SZT2: variants seen among roughly 807,000 people sequenced by gnomAD.
SZT2 encodes KICSTOR complex protein SZT2.
SZT2 carries 216 observed loss-of-function variants against 404.2 expected under a neutral mutation model. The observed-to-expected ratio is 0.53, with a 90% CI of 0.48 to 0.60. The LOEUF is 0.60. SZT2 is among the 20% of genes least tolerant of loss of function. The pLI is 0.00. For missense variants in SZT2, 3,857 were observed against 4,459.2 expected (o/e 0.86, Z 3.85); for synonymous variants, 1,693 against 1,749.9 (o/e 0.97, Z 0.81).
intron 36 of SZT2, 141 bp from the exon 37 acceptor site, chr1:43,432,130 CT>C: frequency 8.9e-7 from 1 of 1,126,524 alleles, no homozygotes; most frequent in Non-Finnish European, 1.3e-6. Flanking sequence ...AGGCAAGTCA[CT>C]GAATCTTTTC....
intron 1 of SZT2, among the ~76,000 whole-genome samples, chr1:43,402,732 G>C: frequency 6.6e-6 from 1 of 152,268 alleles, no homozygotes; most frequent in South Asian, 2.1e-4. Context: ...CTATTCCTTC[G>C]GTGAAAATTT....
rs1652619726 is a variant in SZT2 at position 43,423,121 on chromosome 1, A to G, written c.2060A>G (p.Glu687Gly). ...RHKIVSGLRE[E>G]ILRLRFPHRV... The stretch of plus-strand genomic sequence containing the variant: ...CAGATTGTGTCAGGCTTGAGGGAAG[A>G]GATCCTGCGGCTGCGTTTCCCCCAC... The change falls in exon 15 of 72, where the codon GAG (glutamate) becomes GGG (glycine). Residue 687 changes from glutamate (E) to glycine (G), a missense_variant. Transcript: ENST00000634258. The G allele has an allele frequency of 6.3e-7, 1 of 1,594,582 alleles. No individual in the cohort carries two copies. Among genetic ancestry groups the G allele is most frequent in the Non-Finnish European group, 8.5e-7 (1 of 1,178,186 alleles).
At position 43,450,223 on chromosome 1, in the gene SZT2, A is replaced by G; in HGVS notation, c.10155+52A>G. 1 of 1,613,750 alleles carries G rather than the reference A, an allele frequency of 6.2e-7. No individual in the cohort carries two copies. Among genetic ancestry groups the G allele is most frequent in the Non-Finnish European group, 8.5e-7 (1 of 1,179,764 alleles). On this transcript the variant is annotated intron_variant, in intron 71 of 71. Transcript: ENST00000634258. This position sits in a 1 kb window ranked among gnomAD's most constrained non-coding sequence, Gnocchi z 4.3. The stretch of plus-strand genomic sequence containing the variant: ...CAGCCTCATGGGAGGCCGTACCCCA[A>G]ATGCTCCACCTCGGAGCCTGCTGAG...
At chr1:43,395,165 A>C (rs192342390) in intron 1 of SZT2, among the ~76,000 whole-genome samples, 4 of 152,328 alleles carry the variant, frequency 2.6e-5, no homozygotes, top group East Asian at 1.9e-4. Flanking sequence ...GCTTTCTAAT[A>C]GTCTGTGCCC....
chr1:43,416,065 T>C lies in SZT2; in HGVS notation c.736T>C (p.Leu246=). Residue 246 remains leucine, a synonymous_variant, in exon 6 of 72, where the codon TTG becomes CTG. Coordinates refer to ENST00000634258, the MANE Select transcript of SZT2 (RefSeq NM_001365999.1). ...GLVSMIRQGI[L]ALQLLPSNSS... is the part of the protein sequence containing the mutation. ...GGTCAGTATGATTCGTCAGGGCATC[T>C]TGGCACTGCAGTTACTACCCTCGAA... The C allele has an allele frequency of 6.3e-7, 1 of 1,598,366 alleles. No individual in the cohort carries two copies. The highest frequency in any genetic ancestry group is 8.5e-7 in the Non-Finnish European group (1 of 1,179,784).
In SZT2 at chr1:43,453,755, T is replaced by C. The variant is rs764937328; in HGVS notation, c.*3275T>C. On this transcript the variant is annotated 3_prime_UTR_variant, in exon 72 of 72. Transcript: ENST00000634258. ...CGGGGAGGCCGGAGAGCTCGGGGAA[T>C]AGCCAGGACAGATTGGCGGAGAAGC... 98 of 1,320,626 alleles carry C rather than the reference T, an allele frequency of 7.4e-5. No homozygotes were observed. The highest frequency in any genetic ancestry group is 9.4e-5 in the Non-Finnish European group (98 of 1,041,362). 81.8% of individuals were successfully genotyped at this position (1,320,626 alleles called of 1,614,324 possible). A position where few individuals can be genotyped will look rare whatever the true frequency, so the allele number is the denominator to read the frequency against.
In SZT2 at chr1:43,425,908, A is replaced by G. The variant is rs144176855; in HGVS notation, c.2888A>G (p.Lys963Arg). Residue 963 changes from lysine (K) to arginine (R), a missense_variant, in exon 20 of 72, where the codon AAG becomes AGG. Physicochemically the swap from Lys to Arg is conservative, Grantham distance 26. Transcript: ENST00000634258. The surrounding 1 kb of genome is among the most constrained non-coding windows in gnomAD (Gnocchi z 4.3). ...TACCTGATACAGCTGTGTCAGAGCA[A>G]GGAATGGGGTCCTCTGCCCCCAGAG... ...FEYLIQLCQS[K>R]EWGPLPPEPR... The G allele has an allele frequency of 2.7e-4, 431 of 1,614,048 alleles. No individual in the cohort carries two copies. Among genetic ancestry groups the G allele is most frequent in the Non-Finnish European group, 3.1e-4 (363 of 1,180,030 alleles).
chr1:43,404,659 C>A, intron 4 of SZT2, 109 bp downstream of exon 4: 2 of 1,210,648 alleles, frequency 1.7e-6, no homozygotes, highest in Non-Finnish European at 2.3e-6. Context: ...CCGAGCTCTG[C>A]TGGCTTCTTG....
Position 43,452,073 on chromosome 1 carries a change from A to G in SZT2, c.*1593A>G. 6.4e-7 allele frequency: 1 copy of G among 1,554,782 alleles called. No individual in the cohort carries two copies. The highest frequency in any genetic ancestry group is 1.2e-5 in the South Asian group (1 of 85,346). On this transcript the variant is annotated 3_prime_UTR_variant, in exon 72 of 72. Transcript: ENST00000634258. Reference sequence around the variant, plus strand: ...TTCCCAAGTTTGTCCCCCATCAGTCAGTCACTGGTCAAGGCCCTCACCTGT... The same window carrying G: ...TTCCCAAGTTTGTCCCCCATCAGTCGGTCACTGGTCAAGGCCCTCACCTGT...
chr1:43,443,736 A>G lies in SZT2; in HGVS notation c.8765A>G (p.Gln2922Arg), dbSNP rs777051757. The G allele has an allele frequency of 1.2e-6, 2 of 1,614,224 alleles. No individual in the cohort carries two copies. Among genetic ancestry groups the G allele is most frequent in the Non-Finnish European group, 1.7e-6 (2 of 1,180,040 alleles). ...LSLAFLQQYV[Q>R]YLQSIGFVLV... ...TTGGCTTTCCTGCAGCAATATGTGC[A>G]GTATCTGCAGAGCATAGGTTTTGTG... Residue 2922 changes from glutamine (Q) to arginine (R), a missense_variant, in exon 62 of 72, where the codon CAG (glutamine) becomes CGG (arginine). This residue lies in a region of SZT2 where 717 missense variants were observed against 868.2 expected (regional missense o/e 0.83). Transcript: ENST00000634258.
rs778819086 is a variant in SZT2, at chr1:43,453,728, C to G, written c.*3248C>G. The G allele has an allele frequency of 7.2e-7, 1 of 1,389,104 alleles. No individual in the cohort carries two copies. The highest frequency in any genetic ancestry group is 9.2e-7 in the Non-Finnish European group (1 of 1,083,202). The allele number at this position is 1,389,104 out of a possible 1,614,324, so 86.0% of individuals were successfully genotyped here. On this transcript the variant is annotated 3_prime_UTR_variant, in exon 72 of 72. Transcript: ENST00000634258. ...CCGAGCTGCCCGCGGCCCGCACCCG[C>G]GCGGGGAGGCCGGAGAGCTCGGGGA...
At position 43,450,561 on chromosome 1, in the gene SZT2, A is replaced by G. The variant is rs1451192050; in HGVS notation, c.*81A>G. The G allele has an allele frequency of 1.9e-6, 3 of 1,584,598 alleles. No individual in the cohort carries two copies. The African/African-American group carries it at 4.0e-5, about 21-fold the overall frequency. ...TTGCCTGCCAGAGGCAGGACTGACC[A>G]GCCCTTCTGGGCCCCAGGGCAAGCC... On this transcript the variant is annotated 3_prime_UTR_variant, in exon 72 of 72. Coordinates refer to ENST00000634258, the MANE Select transcript of SZT2 (RefSeq NM_001365999.1). The surrounding 1 kb of genome is among the most constrained non-coding windows in gnomAD (Gnocchi z 4.3).
At chr1:43,391,175 A>C (rs1285148001) in intron 1 of SZT2, among the ~76,000 whole-genome samples, 4 of 152,154 alleles carry the variant, frequency 2.6e-5, no homozygotes, top group Non-Finnish European at 5.9e-5. Context: ...TTAGCCAAGC[A>C]TGGTGGCGCA....
rs1349492385 is a variant in SZT2 at position 43,424,399 on chromosome 1, G to A, written c.2438G>A (p.Ser813Asn). The A allele has an allele frequency of 6.3e-7, 1 of 1,597,980 alleles. No individual in the cohort carries two copies. Among genetic ancestry groups the A allele is most frequent in the Non-Finnish European group, 8.5e-7 (1 of 1,179,598 alleles). The change falls in exon 16 of 72, where the codon AGT (serine) becomes AAT (asparagine). Residue 813 changes from serine to asparagine, a missense_variant. Around this residue, in one of 7 missense-constraint regions of SZT2, gnomAD observed 1,725 missense variants for 1,881.0 expected, o/e 0.92. Coordinates refer to ENST00000634258, the MANE Select transcript of SZT2 (RefSeq NM_001365999.1). The surrounding 1 kb of genome is among the most constrained non-coding windows in gnomAD (Gnocchi z 4.1). The part of the protein sequence containing the change: ...PSGLAPALPL[S>N]AIAQLLSILT... Reference sequence around the variant, plus strand: ...GGACTGGCCCCTGCGCTGCCTCTCAGTGCCATTGCCCAGCTCCTCTCCATC... The same window carrying A: ...GGACTGGCCCCTGCGCTGCCTCTCAATGCCATTGCCCAGCTCCTCTCCATC...
At chr1:43,406,194 TCTC>T (rs1170798219) in intron 4 of SZT2, 1 of 254,820 alleles carries the variant, frequency 3.9e-6, no homozygotes, top group African/African-American at 2.4e-5. Flanking sequence ...TTCAAGCAAT[TCTC>T]CTGCCTCAGC....
intron 51 of SZT2, 127 bp from the exon 52 acceptor site, chr1:43,440,326 T>C: frequency 7.3e-7 from 1 of 1,379,072 alleles, no homozygotes. Flanking sequence ...CTATCAGTTG[T>C]ATATACTGTC....
intron 40 of SZT2, 45 bp downstream of exon 40, chr1:43,433,235 CTT>C (rs1654114613): frequency 6.3e-7 from 1 of 1,587,012 alleles, no homozygotes; most frequent in Admixed American, 1.7e-5. Flanking sequence ...CCATTAACCT[CTT>C]CTCTCTGCTC....
chr1:43,412,885 A>G (rs1208541625), intron 4 of SZT2: 1 of 152,234 alleles, frequency 6.6e-6, no homozygotes, highest in African/African-American at 2.4e-5. Flanking sequence ...AGGCATACAT[A>G]TGGCAAACAG....
Position 43,431,850 on chromosome 1 carries a change from G to T in SZT2, c.5223G>T (p.Leu1741=). 1 of 1,614,174 alleles carries T rather than the reference G, an allele frequency of 6.2e-7. No homozygotes were observed. Among genetic ancestry groups the T allele is most frequent in the Middle Eastern group, 1.6e-4 (1 of 6,062 alleles). Residue 1741 remains leucine (L), a synonymous_variant, in exon 36 of 72, where the codon CTG becomes CTT. Transcript: ENST00000634258. ...PGRSTCLRQT[L]PLSFVFGPER... Reference sequence around the variant, plus strand: ...GCTCCACCTGCCTTCGCCAAACTCTGCCACTGAGTTTTGTATTTGGGCCAG... The same window carrying T: ...GCTCCACCTGCCTTCGCCAAACTCTTCCACTGAGTTTTGTATTTGGGCCAG...
Sources: gnomAD v4.1 joint callset for allele counts (sites outside exome capture counted in the v4.1 genomes callset) on GRCh38, gnomAD v4.1.1 for gene constraint, gnomAD v4.1.1 regional missense constraint, Gnocchi (gnomAD v3.1) non-coding constraint, MANE v1.5 for transcripts, NCBI Gene and HGNC (gene_info 2026-07-23, HGNC 2026-07-21) for gene names.